Variants in HK2 observed in about 807,000 individuals in gnomAD.
HK2 encodes hexokinase-2.
A neutral mutation model predicts 92.9 loss-of-function variants in HK2; 42 were observed. The ratio of observed to expected loss-of-function variants is 0.45; its 90% confidence interval spans 0.35 to 0.58. The LOEUF (loss-of-function observed/expected upper bound fraction) is 0.58, where lower values mean the gene tolerates loss of function less well. Ranked by LOEUF, HK2 falls within the 20% of genes least tolerant of loss-of-function variation. HK2 has a pLI of 0.00. For synonymous variants in HK2, 422 were observed against 468.0 expected, an observed-to-expected ratio of 0.90 and a Z score of 1.27; for missense variants, 978 against 1,245.1, an observed-to-expected ratio of 0.79 and a Z score of 3.23.
At chr2:74,884,204 T>C (rs1053559462) in intron 12 of HK2, among the ~76,000 whole-genome samples, 7 of 152,228 alleles carry the variant, frequency 4.6e-5, no homozygotes, top group African/African-American at 1.7e-4. Context: ...TTAGGTTTTA[T>C]TCTGTGTTCC....
Position 74,886,311 on chromosome 2 carries a change from G to C in HK2, c.1953G>C (p.Val651=). The change falls in exon 14 of 18, where the codon GTG becomes GTC. Residue 651 remains valine, a synonymous_variant. Transcript: ENST00000290573. Reference sequence around the variant, plus strand: ...CCTCTCAGGAGTTTGACCTGGATGTGGTTGCTGTGGTGAACGACACAGTCG... The same window carrying C: ...CCTCTCAGGAGTTTGACCTGGATGTCGTTGCTGTGGTGAACGACACAGTCG... ...IHRREEFDLD[V]VAVVNDTVGT... 6.2e-7 allele frequency: 1 copy of C among 1,614,144 alleles called. No individual in the cohort carries two copies. The highest frequency in any genetic ancestry group is 1.1e-5 in the South Asian group (1 of 91,084).
Position 74,880,545 on chromosome 2 carries a change from G to A in HK2, c.1546G>A (p.Val516Met), listed in dbSNP as rs1234488114. ...SAPVKMLPTY[V>M]CATPDGTEKG... is the part of the protein sequence containing the mutation. ...CCCCGTCAAGATGCTGCCCACCTAC[G>A]TGTGTGCTACCCCGGACGGCACAGG... The change falls in exon 10 of 18, where the codon GTG (valine) becomes ATG (methionine). Residue 516 changes from valine to methionine, a missense_variant. This residue lies in a region of HK2 where 742 missense variants were observed against 922.5 expected (regional missense o/e 0.80). Coordinates refer to ENST00000290573, the MANE Select transcript of HK2 (RefSeq NM_000189.5). 4.3e-6 allele frequency: 7 copies of A among 1,614,110 alleles called. No individual in the cohort carries two copies. The Admixed American group carries it at 5.0e-5, about 12-fold the overall frequency.
At chr2:74,865,329 C>T (rs1188105126) in intron 2 of HK2, among the ~76,000 whole-genome samples, 5 of 152,050 alleles carry the variant, frequency 3.3e-5, no homozygotes, top group African/African-American at 7.3e-5. Context: ...GCACACCACC[C>T]GTTCTTGGTG....
At chr2:74,858,570 C>T (rs1688743831) in intron 2 of HK2, among the ~76,000 whole-genome samples, 1 of 152,168 alleles carries the variant, frequency 6.6e-6, no homozygotes, top group Non-Finnish European at 1.5e-5. Flanking sequence ...CACAAACCAC[C>T]ACTGCAAAAG....
At chr2:74,879,416 C>T (rs1689324342) in intron 9 of HK2, among the ~76,000 whole-genome samples, 1 of 152,276 alleles carries the variant, frequency 6.6e-6, no homozygotes. Flanking sequence ...TTTATTGTGC[C>T]TACTTATTTC....
chr2:74,856,406 C>G (rs935966843), intron 2 of HK2, among the ~76,000 whole-genome samples: 1 of 152,218 alleles, frequency 6.6e-6, no homozygotes, highest in East Asian at 1.9e-4. Flanking sequence ...AAGAGCCCCT[C>G]GAGGTGAGGG....
chr2:74,837,181 A>C (rs142412700), intron 1 of HK2, among the ~76,000 whole-genome samples: 1 of 152,332 alleles, frequency 6.6e-6, no homozygotes, highest in Non-Finnish European at 1.5e-5. Context: ...TGTTTAACTG[A>C]GGCCCAGGGG....
intron 1 of HK2, among the ~76,000 whole-genome samples, chr2:74,850,714 A>G (rs1490342110): frequency 1.3e-5 from 2 of 152,188 alleles, no homozygotes; most frequent in Non-Finnish European, 2.9e-5. Context: ...TTCTCAATCC[A>G]GGAAAATCAT....
chr2:74,845,144 A>G (rs532512828), intron 1 of HK2, among the ~76,000 whole-genome samples: 34 of 152,338 alleles, frequency 2.2e-4, no homozygotes, highest in African/African-American at 7.9e-4. Flanking sequence ...AAGTGATTGT[A>G]AATCCATATT....
intron 12 of HK2, 51 bp from the exon 13 acceptor site, chr2:74,885,443 A>T: frequency 7.6e-7 from 1 of 1,319,814 alleles, no homozygotes; most frequent in East Asian, 2.3e-5. Context: ...CCCAGAACTG[A>T]CCTGGGAGCT....
Position 74,885,521 on chromosome 2 carries a change from T to A in HK2, c.1867T>A (p.Phe623Ile). The stretch of plus-strand genomic sequence containing the variant: ...CATCCTCCTCAAGTGGACAAAAGGC[T>A]TCAAGGCATCTGGCTGCGAGGGCGA... ...ESILLKWTKG[F>I]KASGCEGEDV... The change falls in exon 13 of 18, where the codon TTC becomes ATC. Residue 623 changes from phenylalanine (F) to isoleucine (I), a missense_variant. This residue lies in a region of HK2 where 742 missense variants were observed against 922.5 expected (regional missense o/e 0.80). Coordinates refer to ENST00000290573, the MANE Select transcript of HK2 (RefSeq NM_000189.5). The A allele has an allele frequency of 6.2e-7, 1 of 1,613,832 alleles. No homozygotes were observed. Among genetic ancestry groups the A allele is most frequent in the Non-Finnish European group, 8.5e-7 (1 of 1,179,832 alleles).
intron 1 of HK2, among the ~76,000 whole-genome samples, chr2:74,837,067 A>T (rs1688184306): frequency 6.6e-6 from 1 of 152,204 alleles, no homozygotes; most frequent in African/African-American, 2.4e-5. Flanking sequence ...GCGACTGCAG[A>T]GCACCTACTG....
At chr2:74,854,591 A>T (rs1688651604) in intron 2 of HK2, 136 bp downstream of exon 2, 11 of 945,604 alleles carry the variant, frequency 1.2e-5, no homozygotes, top group Non-Finnish European at 1.8e-5. Flanking sequence ...AATTGAATGG[A>T]AGGCTGTGTG....
intron 3 of HK2, among the ~76,000 whole-genome samples, chr2:74,869,157 CATTAA>C (rs1322764422): frequency 1.3e-5 from 2 of 150,170 alleles, no homozygotes; most frequent in Non-Finnish European, 3.0e-5. Flanking sequence ...CCTTGAAGAG[CATTAA>C]AACTGTTGAG....
rs556334076 is a variant in HK2 at position 74,842,900 on chromosome 2, G to C, written c.63+8257G>C. On this transcript the variant is annotated intron_variant, in intron 1 of 17. Transcript: ENST00000290573. ...CTGAATGATCACAGGGTTAGTTCCA[G>C]CTCCTTTTCCCTAACCTCTGTCTCC... Among the ~76,000 whole-genome samples the C allele has an allele frequency of 3.9e-5, 6 of 152,360 alleles. No individual in the cohort carries two copies. In the South Asian group the frequency reaches 8.3e-4, roughly 21 times the overall value.
At chr2:74,880,985 C>G (rs575748592) in intron 10 of HK2, among the ~76,000 whole-genome samples, 4 of 152,224 alleles carry the variant, frequency 2.6e-5, no homozygotes, top group Non-Finnish European at 4.4e-5. Flanking sequence ...TCTGCTCTTG[C>G]AATCACCACA....
At chr2:74,856,964 G>A (rs1451339836) in intron 2 of HK2, among the ~76,000 whole-genome samples, 1 of 152,170 alleles carries the variant, frequency 6.6e-6, no homozygotes, top group Non-Finnish European at 1.5e-5. Flanking sequence ...AGTTTGTTGG[G>A]GAGAACTAAT....
intron 1 of HK2, among the ~76,000 whole-genome samples, chr2:74,840,711 CA>C (rs34885061): frequency 0.57 from 73,143 of 129,038 alleles, 20,410 homozygotes; most frequent in African/African-American, 0.64. Flanking sequence ...ACTAAAAATA[CA>C]AAAAAAAAAA....
intron 1 of HK2, among the ~76,000 whole-genome samples, chr2:74,837,737 G>T (rs1178721745): frequency 2.1e-5 from 3 of 146,298 alleles, no homozygotes; most frequent in African/African-American, 7.6e-5. Context: ...GTGCAGTGGC[G>T]CTATCTCTGC....
Sources: allele counts gnomAD v4.1 joint callset (sites outside exome capture counted in the v4.1 genomes callset), GRCh38; gene constraint gnomAD v4.1.1; regional missense constraint gnomAD v4.1.1; transcripts MANE v1.5; gene names NCBI Gene and HGNC (gene_info 2026-07-23, HGNC 2026-07-21).